The following RBFOX1 variants were observed in gnomAD, a reference collection of about 807,000 sequenced individuals.
The protein encoded by RBFOX1 is RNA binding fox-1 homolog 1.
RBFOX1 carries 8 observed loss-of-function variants against 57.7 expected under a neutral mutation model. That is an observed-to-expected ratio of 0.14 (90% CI 0.08 to 0.25). RBFOX1 has a LOEUF of 0.25. Among genes scored for constraint, RBFOX1 ranks in the 10% least tolerant of loss-of-function variants. The pLI, the probability that RBFOX1 is intolerant of heterozygous loss-of-function variation, is 1.00. For synonymous variants in RBFOX1, 326 were observed against 222.4 expected (o/e 1.47, Z -4.15); for missense variants, 611 against 548.5 (o/e 1.11, Z -1.14).
chr16:7,484,935 A>T (rs896945651), intron 4 of RBFOX1, among the ~76,000 whole-genome samples: 2 of 152,134 alleles, frequency 1.3e-5, no homozygotes, highest in Non-Finnish European at 2.9e-5. Flanking sequence ...GTCCCAACCC[A>T]TATGCCCCAA....
chr16:7,277,717 A>T (rs9932797), intron 4 of RBFOX1, among the ~76,000 whole-genome samples: 1 of 152,206 alleles, frequency 6.6e-6, no homozygotes, highest in African/African-American at 2.4e-5. Context: ...AAGGACTTCT[A>T]TAGGCACAGA....
intron 4 of RBFOX1, among the ~76,000 whole-genome samples, chr16:7,391,103 C>G (rs1165751108): frequency 6.6e-6 from 1 of 152,184 alleles, no homozygotes. Context: ...CTTAACTGAC[C>G]TTTTGCACTG....
At chr16:6,584,334 T>C (rs1313943861) in intron 2 of RBFOX1, among the ~76,000 whole-genome samples, 2 of 130,312 alleles carry the variant, frequency 1.5e-5, no homozygotes, top group Non-Finnish European at 3.1e-5. Context: ...AGTTGTGTTT[T>C]ATTTTCATTA....
At chr16:7,183,584 A>AT (rs111797527) in intron 4 of RBFOX1, among the ~76,000 whole-genome samples, 1 of 152,136 alleles carries the variant, frequency 6.6e-6, no homozygotes, top group Non-Finnish European at 1.5e-5. Context: ...ACATGTGTGT[A>AT]TTTTTTTTCC....
chr16:7,039,264 A>G (rs899186497), intron 3 of RBFOX1, among the ~76,000 whole-genome samples: 5 of 152,038 alleles, frequency 3.3e-5, no homozygotes, highest in African/African-American at 9.7e-5. Context: ...TATTTTTTCT[A>G]CTTAGTACTT....
At chr16:6,941,039 C>T (rs1015645505) in intron 3 of RBFOX1, among the ~76,000 whole-genome samples, 26 of 151,828 alleles carry the variant, frequency 1.7e-4, no homozygotes, top group Non-Finnish European at 3.7e-4. Flanking sequence ...TGTGTATGGA[C>T]GCCTATGTGC....
intron 2 of RBFOX1, among the ~76,000 whole-genome samples, chr16:6,589,544 A>G (rs2097681092): frequency 6.6e-6 from 1 of 152,224 alleles, no homozygotes; most frequent in Non-Finnish European, 1.5e-5. Context: ...AGTCTGCAAA[A>G]TATCTCGACC....
intron 3 of RBFOX1, among the ~76,000 whole-genome samples, chr16:5,654,456 G>T (rs560387959): frequency 1.2e-4 from 19 of 152,180 alleles, no homozygotes; most frequent in Admixed American, 1.2e-3. Flanking sequence ...TCTTGTGGAG[G>T]TTGGGAAGGA....
chr16:6,799,369 A>T (rs1459483720), intron 3 of RBFOX1, among the ~76,000 whole-genome samples: 2 of 152,188 alleles, frequency 1.3e-5, no homozygotes, highest in African/African-American at 4.8e-5. Context: ...TGTAGTTAAA[A>T]AAAGGTAAAA....
chr16:5,378,763 G>A (rs2066055642), intron 1 of RBFOX1, among the ~76,000 whole-genome samples: 1 of 151,596 alleles, frequency 6.6e-6, no homozygotes, highest in African/African-American at 2.4e-5. Context: ...TAAAATGGGA[G>A]ATAATGCTAA....
chr16:5,853,186 A>C (rs1177281910), intron 3 of RBFOX1, among the ~76,000 whole-genome samples: 3 of 151,908 alleles, frequency 2.0e-5, no homozygotes, highest in Non-Finnish European at 2.9e-5. Context: ...TCTTGGGGTG[A>C]AGTTTGGAGC....
At chr16:6,928,025 C>A (rs1353875538) in intron 3 of RBFOX1, among the ~76,000 whole-genome samples, 1 of 152,146 alleles carries the variant, frequency 6.6e-6, no homozygotes, top group African/African-American at 2.4e-5. Context: ...CAGCACCCAC[C>A]CCTCTAGATT....
chr16:6,677,813 C>G (rs1349758018), intron 3 of RBFOX1, among the ~76,000 whole-genome samples: 3 of 152,042 alleles, frequency 2.0e-5, no homozygotes. Flanking sequence ...GGTGGCAGAG[C>G]TTTTTATGTA....
chr16:5,636,143 T>C (rs1388801620), intron 3 of RBFOX1, among the ~76,000 whole-genome samples: 1 of 151,648 alleles, frequency 6.6e-6, no homozygotes, highest in African/African-American at 2.4e-5. Flanking sequence ...AGGTCAGGAG[T>C]TCGAGACCAG....
At chr16:5,989,034 T>C (rs2060335045) in intron 4 of RBFOX1, among the ~76,000 whole-genome samples, 1 of 151,854 alleles carries the variant, frequency 6.6e-6, no homozygotes, top group African/African-American at 2.4e-5. Flanking sequence ...AAAAACTTAA[T>C]TACAAGCCAG....
chr16:7,321,950 G>C (rs190713957), intron 4 of RBFOX1, among the ~76,000 whole-genome samples: 114 of 152,316 alleles, frequency 7.5e-4, no homozygotes, highest in African/African-American at 2.6e-3. Flanking sequence ...GAGAGGTTCA[G>C]CTGCACAGCT....
At chr16:5,464,736 T>A (rs139063662) in intron 1 of RBFOX1, among the ~76,000 whole-genome samples, 48 of 152,138 alleles carry the variant, frequency 3.2e-4, no homozygotes, top group African/African-American at 9.4e-4. Flanking sequence ...AGCTGTGTAG[T>A]TGATAATGTG....
At chr16:6,334,371 G>A (rs2083384304) in intron 2 of RBFOX1, among the ~76,000 whole-genome samples, 2 of 152,006 alleles carry the variant, frequency 1.3e-5, no homozygotes, top group Non-Finnish European at 2.9e-5. Context: ...AGCCAGGCAT[G>A]TTGGTGTGCG....
At chr16:6,334,681 C>G (rs1407094324) in intron 2 of RBFOX1, among the ~76,000 whole-genome samples, 2 of 152,112 alleles carry the variant, frequency 1.3e-5, no homozygotes, top group Admixed American at 1.3e-4. Flanking sequence ...AAGTAGATTT[C>G]TTCTTGCTTG....
Sources: allele counts gnomAD v4.1 joint callset (sites outside exome capture counted in the v4.1 genomes callset), GRCh38; gene constraint gnomAD v4.1.1; transcripts MANE v1.5; gene names NCBI Gene and HGNC (gene_info 2026-07-23, HGNC 2026-07-21).